The following EIF2D variants were observed in gnomAD, a reference collection of about 807,000 sequenced individuals.
EIF2D encodes eukaryotic translation initiation factor 2D.
A neutral mutation model predicts 77.4 loss-of-function variants in EIF2D; 56 were observed. That is an observed-to-expected ratio of 0.72 (90% confidence interval 0.58 to 0.90). The LOEUF is 0.90. EIF2D is among the 40% of genes least tolerant of loss of function. EIF2D has a pLI of 0.00. For synonymous variants in EIF2D, 230 were observed against 271.0 expected (o/e 0.85, Z 1.49); for missense variants, 574 against 706.5 (o/e 0.81, Z 2.13).
chr1:206,583,310 A>C, intron 2 of EIF2D: 1 of 1,613,066 alleles, frequency 6.2e-7, no homozygotes. Flanking sequence ...GCCCGCCCAC[A>C]CTGCAGGAGA....
intron 13 of EIF2D, 132 bp downstream of exon 13, chr1:206,595,586 C>T: frequency 8.7e-7 from 1 of 1,151,010 alleles, no homozygotes; most frequent in Middle Eastern, 3.1e-4. Flanking sequence ...GGCACATAAA[C>T]ACGGGTGTTT....
intron 13 of EIF2D, chr1:206,594,726 A>G (rs1353277727): frequency 1.3e-5 from 2 of 152,146 alleles, no homozygotes; most frequent in Non-Finnish European, 1.5e-5. Context: ...TTGCTTGCAG[A>G]CTCTCCAGAA....
chr1:206,580,437 G>A (rs1183089500), intron 4 of EIF2D, among the ~76,000 whole-genome samples: 2 of 152,330 alleles, frequency 1.3e-5, no homozygotes, highest in African/African-American at 2.4e-5. Context: ...CAGAGTGAGT[G>A]TATAATAGTA....
downstream of EIF2D, among the ~76,000 whole-genome samples, chr1:206,569,733 C>G (rs1668388511): frequency 6.6e-6 from 1 of 152,234 alleles, no homozygotes; most frequent in South Asian, 2.1e-4. Flanking sequence ...TTCTGTGCCC[C>G]TGACCTTTCT....
At chr1:206,612,004 T>C (rs542103400) in intron 1 of EIF2D, among the ~76,000 whole-genome samples, 1 of 152,346 alleles carries the variant, frequency 6.6e-6, no homozygotes, top group South Asian at 2.1e-4. Context: ...ATTCCTTCAC[T>C]TCTGCATTCT....
chr1:206,596,722 G>C lies in EIF2D; in HGVS notation c.1388+378C>G, dbSNP rs182624242. Among the ~76,000 whole-genome samples the C allele has an allele frequency of 1.1e-3, 170 of 151,954 alleles. 1 individual carries two copies. Among genetic ancestry groups the C allele is most frequent in the African/African-American group, 3.9e-3 (162 of 41,424 alleles). ...TTTTTTTGAGACAGGGTCTCACCTTGTCACCCAGGCTGGGGTGCAGTGACA... is the reference window on the plus strand; with the variant it reads ...TTTTTTTGAGACAGGGTCTCACCTTCTCACCCAGGCTGGGGTGCAGTGACA... On this transcript the variant is annotated intron_variant, in intron 12 of 14. Transcript: ENST00000271764.
At chr1:206,571,197 G>C (rs1668437196), downstream of EIF2D, 1 of 151,892 alleles carries the variant, frequency 6.6e-6, no homozygotes, top group Non-Finnish European at 1.5e-5. Context: ...TAGTGATATT[G>C]AGCATTTTTT....
At chr1:206,600,198 G>T in intron 8 of EIF2D, 65 bp downstream of exon 8, 1 of 1,507,984 alleles carries the variant, frequency 6.6e-7, no homozygotes. Context: ...GCATCCATCT[G>T]GCTTATGTCA....
rs1337428097 is a variant in EIF2D, at chr1:206,612,192, A to C, written c.56+95T>G. 3 of 1,551,288 alleles carry C rather than the reference A, an allele frequency of 1.9e-6. No individual in the cohort carries two copies. In the African/African-American group the frequency reaches 4.1e-5, roughly 21 times the overall value. On this transcript the variant is annotated intron_variant, in intron 1 of 14. Transcript: ENST00000271764. ...TGGCATACCCCTCGGCCTCCACCCG[A>C]GGATGTCGGCCAAGAATAGCGAGGG...
intron 7 of EIF2D, 64 bp downstream of exon 7, chr1:206,602,269 CCTA>C: frequency 7.9e-7 from 1 of 1,273,742 alleles, no homozygotes; most frequent in Non-Finnish European, 1.1e-6. Context: ...CCCATCCTGT[CCTA>C]CTACCAAGGA....
At position 206,579,321 on chromosome 1, in the gene EIF2D, A is replaced by AT. The variant is rs1668777557; in HGVS notation, c.*254+1370dup. ...TGCCAATGTCTATATTTGTTAAATC[A>AT]TAACAGAGTTCCCTATTCTGTCTCT... is the stretch of plus-strand genomic sequence containing the variant. On this transcript the variant is annotated intron_variant and NMD_transcript_variant, in intron 4 of 5. Transcript: ENST00000472709. This position sits in a 1 kb window ranked among gnomAD's most constrained non-coding sequence, Gnocchi z 4.2. 6.6e-6 allele frequency among the ~76,000 whole-genome samples: 1 copy of AT among 152,232 alleles called. No homozygotes were observed. Among genetic ancestry groups the AT allele is most frequent in the Admixed American group, 6.5e-5 (1 of 15,282 alleles).
chr1:206,584,714 G>C lies in EIF2D; in HGVS notation c.139-3552C>G. ...GAGAAAGAGTGAACCCAACCAGACC[G>C]TTCCCTTCCTACCTGTGTCCAAGCC... On this transcript the variant is annotated intron_variant and NMD_transcript_variant, in intron 2 of 5. Transcript: ENST00000472709. This position sits in a 1 kb window ranked among gnomAD's most constrained non-coding sequence, Gnocchi z 4.9. 1 of 1,612,376 alleles carries C rather than the reference G, an allele frequency of 6.2e-7. No homozygotes were observed. Among genetic ancestry groups the C allele is most frequent in the Non-Finnish European group, 8.5e-7 (1 of 1,178,802 alleles).
At chr1:206,598,911 A>G (rs1669783667) in intron 11 of EIF2D, 92 bp downstream of exon 11, 3 of 1,292,366 alleles carry the variant, frequency 2.3e-6, no homozygotes, top group African/African-American at 1.5e-5. Context: ...ATGGTTTTCT[A>G]TTCTCCCTCC....
intron 14 of EIF2D, 109 bp downstream of exon 14, chr1:206,593,510 T>G (rs879995680): frequency 6.8e-6 from 2 of 294,348 alleles, no homozygotes; most frequent in South Asian, 5.0e-5. Context: ...AGAGAGAGAG[T>G]GTGTGTGTGT....
chr1:206,594,675 C>A (rs1669551040), intron 13 of EIF2D: 1 of 152,146 alleles, frequency 6.6e-6, no homozygotes. Context: ...GATGCATGAA[C>A]CCCCAACTAC....
intron 4 of EIF2D, among the ~76,000 whole-genome samples, chr1:206,580,117 C>A (rs1191774346): frequency 5.9e-5 from 9 of 152,182 alleles, no homozygotes; most frequent in African/African-American, 2.2e-4. Flanking sequence ...CCTGTGGCCA[C>A]TTGCGTCACT....
In EIF2D at chr1:206,600,306, G is replaced by T. The variant is rs1669864670; in HGVS notation, c.905C>A (p.Pro302His). Residue 302 changes from proline (P) to histidine (H), a missense_variant and splice_region_variant, in exon 8 of 15, where the codon CCC (proline) becomes CAC (histidine). Transcript: ENST00000271764. ...FLGSHMFSCCPEGRQLDIKKS... is the reference protein window; with the variant it reads ...FLGSHMFSCCHEGRQLDIKKS... ...CTTTATGTCCAGTTGTCGTCCTTCGGGGCTGATGGCAGATGGAAAAGGCAA... is the reference window on the plus strand; with the variant it reads ...CTTTATGTCCAGTTGTCGTCCTTCGTGGCTGATGGCAGATGGAAAAGGCAA... The T allele has an allele frequency of 6.2e-7, 1 of 1,613,824 alleles. No individual in the cohort carries two copies. The highest frequency in any genetic ancestry group is 8.5e-7 in the Non-Finnish European group (1 of 1,179,838).
intron 2 of EIF2D, chr1:206,583,574 G>A (rs1553406838): frequency 1.8e-6 from 1 of 567,044 alleles, no homozygotes; most frequent in African/African-American, 1.9e-5. Context: ...TAGGGAAATA[G>A]ATCTGACTCT....
intron 3 of EIF2D, 124 bp from the exon 4 acceptor site, chr1:206,608,450 A>T: frequency 1.4e-6 from 1 of 740,020 alleles, no homozygotes; most frequent in Non-Finnish European, 2.1e-6. Context: ...GTTTTTCATA[A>T]TAAAAATGAA....
Sources: allele counts gnomAD v4.1 joint callset (sites outside exome capture counted in the v4.1 genomes callset), GRCh38; gene constraint gnomAD v4.1.1; non-coding constraint Gnocchi (gnomAD v3.1); transcripts MANE v1.5; gene names NCBI Gene and HGNC (gene_info 2026-07-23, HGNC 2026-07-21).